Variants in COMMD10 observed in about 807,000 individuals in gnomAD.
COMMD10 encodes the protein COMM domain containing 10.
COMMD10 carries 33 observed loss-of-function variants against 28.9 expected under a neutral mutation model. That is an observed-to-expected ratio of 1.14 (90% CI 0.87 to 1.53). COMMD10 has a LOEUF of 1.53. Ranked by LOEUF, COMMD10 falls within the 40% of genes most tolerant of loss-of-function variation. COMMD10 has a pLI of 0.00. For missense variants in COMMD10, 310 were observed against 233.4 expected, an observed-to-expected ratio of 1.33 and a Z score of -2.14; for synonymous variants, 110 against 81.7, an observed-to-expected ratio of 1.35 and a Z score of -1.87.
rs1129496 is a variant in COMMD10, at chr5:116,134,076, C to T, written c.408C>T (p.Thr136=). 0.6 allele frequency: 953,782 copies of T among 1,576,596 alleles called. 298,147 individuals are homozygous for T. Among genetic ancestry groups the T allele is most frequent in the Non-Finnish European group, 0.65 (740,427 of 1,145,624 alleles). Residue 136 remains threonine (T), a synonymous_variant, in exon 5 of 7, where the codon ACC becomes ACT. Coordinates refer to ENST00000274458, the MANE Select transcript of COMMD10 (RefSeq NM_016144.4). ...GCACCTGTCTTTTATAGCTAGAGACCGTTGGATGGCAGCTTAACCTTCAGA... is the reference window on the plus strand; with the variant it reads ...GCACCTGTCTTTTATAGCTAGAGACTGTTGGATGGCAGCTTAACCTTCAGA... The part of the protein sequence containing the change: ...QRILAPCKLE[T]VGWQLNLQMA...
At chr5:116,244,924 C>G (rs1219107706) in intron 5 of COMMD10, among the ~76,000 whole-genome samples, 3 of 151,588 alleles carry the variant, frequency 2.0e-5, no homozygotes, top group African/African-American at 7.3e-5. Flanking sequence ...ACTAAAAGAA[C>G]TAGGAAACCA....
intron 5 of COMMD10, chr5:116,255,935 C>G (rs1396627223): frequency 1.3e-5 from 2 of 151,506 alleles, no homozygotes; most frequent in Non-Finnish European, 2.9e-5. Context: ...ATGTAGTGTT[C>G]AGAAACGTTG....
intron 4 of COMMD10, among the ~76,000 whole-genome samples, chr5:116,103,199 T>C (rs562165377): frequency 1.3e-5 from 2 of 152,364 alleles, no homozygotes; most frequent in East Asian, 3.9e-4. Flanking sequence ...ATGGGATGGC[T>C]GGGTCAAATG....
intron 5 of COMMD10, among the ~76,000 whole-genome samples, chr5:116,168,465 G>C (rs1404840346): frequency 6.6e-6 from 1 of 152,102 alleles, no homozygotes; most frequent in Non-Finnish European, 1.5e-5. Flanking sequence ...CTTGAACTCA[G>C]CGCTGGACCA....
At chr5:116,239,054 G>C (rs942131144) in intron 5 of COMMD10, among the ~76,000 whole-genome samples, 1 of 152,092 alleles carries the variant, frequency 6.6e-6, no homozygotes, top group Non-Finnish European at 1.5e-5. Context: ...TGAAGAGCTC[G>C]ATGAAGTTCT....
chr5:116,257,503 A>C (rs899117780), intron 5 of COMMD10, among the ~76,000 whole-genome samples: 22 of 151,722 alleles, frequency 1.5e-4, no homozygotes, highest in African/African-American at 5.3e-4. Flanking sequence ...TTTTAGCAAA[A>C]CAATAAGACA....
chr5:116,213,624 C>T (rs958218373), intron 5 of COMMD10, among the ~76,000 whole-genome samples: 3 of 152,088 alleles, frequency 2.0e-5, no homozygotes, highest in African/African-American at 7.2e-5. Context: ...ATAACCTGTT[C>T]AGAAGTCTTT....
In COMMD10 at chr5:116,088,949, C is replaced by G. The variant is rs1750211577; in HGVS notation, c.132+1362C>G. On this transcript the variant is annotated intron_variant, in intron 2 of 6. Transcript: ENST00000274458. The stretch of plus-strand genomic sequence containing the variant: ...TATGTTTCCCATTCCTAATACATTG[C>G]TACTAGTATAGTTGGCACTCAGTAA... 2.0e-5 allele frequency among the ~76,000 whole-genome samples: 3 copies of G among 152,176 alleles called. No individual in the cohort carries two copies. The South Asian group carries it at 6.2e-4, about 31-fold the overall frequency.
At chr5:116,216,683 G>T (rs148875962) in intron 5 of COMMD10, among the ~76,000 whole-genome samples, 6 of 152,064 alleles carry the variant, frequency 3.9e-5, no homozygotes, top group Middle Eastern at 3.4e-3. Context: ...ACAGGTGTGC[G>T]CCACCACGCC....
intron 4 of COMMD10, among the ~76,000 whole-genome samples, chr5:116,103,664 A>G (rs1420819773): frequency 6.6e-6 from 1 of 152,170 alleles, no homozygotes; most frequent in African/African-American, 2.4e-5. Context: ...CTTCAGTTTA[A>G]TTAGATCCCA....
chr5:116,229,155 A>G (rs149522693), intron 5 of COMMD10, among the ~76,000 whole-genome samples: 2 of 151,912 alleles, frequency 1.3e-5, no homozygotes, highest in African/African-American at 4.8e-5. Context: ...TTCCCTTTGC[A>G]CTATTTTTAA....
intron 5 of COMMD10, among the ~76,000 whole-genome samples, chr5:116,177,472 T>G (rs1347627005): frequency 1.3e-5 from 2 of 151,998 alleles, no homozygotes; most frequent in Non-Finnish European, 2.9e-5. Context: ...CTAGTGTCAT[T>G]TTTCTAAAAC....
chr5:116,216,704 T>G (rs1340787581), intron 5 of COMMD10, among the ~76,000 whole-genome samples: 1 of 152,080 alleles, frequency 6.6e-6, no homozygotes, highest in Non-Finnish European at 1.5e-5. Flanking sequence ...CAGCTTATTT[T>G]TGCATTTTTA....
At chr5:116,198,597 A>G (rs1748587725) in intron 5 of COMMD10, among the ~76,000 whole-genome samples, 1 of 152,292 alleles carries the variant, frequency 6.6e-6, no homozygotes. Flanking sequence ...GGACAAGTGT[A>G]TAATGACAGT....
intron 5 of COMMD10, among the ~76,000 whole-genome samples, chr5:116,229,744 G>A (rs1180046909): frequency 6.6e-6 from 1 of 151,938 alleles, no homozygotes. Flanking sequence ...TATTTGTCCA[G>A]CAAGTGAAAA....
intron 5 of COMMD10, among the ~76,000 whole-genome samples, chr5:116,190,061 A>G (rs1036316083): frequency 2.6e-5 from 4 of 152,178 alleles, no homozygotes; most frequent in Non-Finnish European, 5.9e-5. Context: ...CCTTCAACAC[A>G]GTGATTGGTT....
At chr5:116,234,913 A>G (rs899728717) in intron 5 of COMMD10, among the ~76,000 whole-genome samples, 19 of 152,314 alleles carry the variant, frequency 1.2e-4, no homozygotes, top group African/African-American at 4.3e-4. Flanking sequence ...CTAAGCCGCC[A>G]CTTAGAAAAG....
At chr5:116,136,751 A>G (rs1474317378) in intron 5 of COMMD10, among the ~76,000 whole-genome samples, 1 of 152,106 alleles carries the variant, frequency 6.6e-6, no homozygotes, top group East Asian at 1.9e-4. Context: ...GTATTTTGAG[A>G]TTTTGGATAG....
chr5:116,284,374 A>G (rs1195251825), intron 5 of COMMD10, among the ~76,000 whole-genome samples: 4 of 151,778 alleles, frequency 2.6e-5, no homozygotes, highest in South Asian at 2.1e-4. Context: ...ATGTATTTAG[A>G]TAGATATACT....
Sources: allele counts gnomAD v4.1 joint callset (sites outside exome capture counted in the v4.1 genomes callset), GRCh38; gene constraint gnomAD v4.1.1; transcripts MANE v1.5; gene names NCBI Gene and HGNC (gene_info 2026-07-23, HGNC 2026-07-21).